GDE1: variants seen among roughly 807,000 people sequenced by gnomAD.
GDE1 encodes the protein RGS16-interacting membrane protein.
Under a neutral mutation model 32.2 loss-of-function variants are expected in GDE1, and 24 were observed. The observed-to-expected ratio is 0.75, with a 90% CI of 0.54 to 1.05. The LOEUF (loss-of-function observed/expected upper bound fraction) is 1.05, where lower values mean the gene tolerates loss of function less well. Ranked by LOEUF, GDE1 falls within the 50% of genes least tolerant of loss-of-function variation. The probability of loss-of-function intolerance (pLI) is 0.00; values close to 1 mark genes in which losing one functional copy is unlikely to be tolerated. For synonymous variants in GDE1, 159 were observed against 158.6 expected (o/e 1.00, Z -0.02); for missense variants, 380 against 415.0 (o/e 0.92, Z 0.73).
At chr16:19,515,699 C>T (rs950793458) in intron 2 of GDE1, among the ~76,000 whole-genome samples, 1 of 152,172 alleles carries the variant, frequency 6.6e-6, no homozygotes, top group Non-Finnish European at 1.5e-5. Context: ...TTCCTGCCTA[C>T]AGTATGACTT....
intron 1 of GDE1, among the ~76,000 whole-genome samples, chr16:19,517,931 A>G (rs1420969712): frequency 1.3e-5 from 2 of 148,304 alleles, no homozygotes; most frequent in Non-Finnish European, 3.0e-5. Flanking sequence ...TCTGTTGTTC[A>G]GGCTAGAGTG....
At position 19,521,866 on chromosome 16, in the gene GDE1, GAGGC is replaced by G; in HGVS notation, c.95_98del (p.Cys32SerfsTer78). On this transcript the variant is annotated frameshift_variant, in exon 1 of 6. Coordinates refer to ENST00000353258, the MANE Select transcript of GDE1 (RefSeq NM_016641.4). LOFTEE classifies it high-confidence loss of function. ...GTAGAACGAAGAGGCTGCCGGTGAG[GAGGC>G]AGGCATTGACCGGGCTCCGCGTCAC... 1 of 1,606,982 alleles carries G rather than the reference GAGGC, an allele frequency of 6.2e-7. No individual in the cohort carries two copies.
chr16:19,515,224 C>G (rs1217075323), intron 2 of GDE1, among the ~76,000 whole-genome samples: 3 of 152,194 alleles, frequency 2.0e-5, no homozygotes, highest in African/African-American at 4.8e-5. Flanking sequence ...CCTCTCAGGA[C>G]AAGCATCTCA....
intron 2 of GDE1, among the ~76,000 whole-genome samples, chr16:19,513,353 A>AT (rs35956673): frequency 0.22 from 32,636 of 146,966 alleles, 4,822 homozygotes; most frequent in African/African-American, 0.4. Flanking sequence ...GTATTTTGTT[A>AT]TTTTTTTTTT....
chr16:19,511,213 C>T (rs948874066), intron 2 of GDE1, among the ~76,000 whole-genome samples: 1 of 151,942 alleles, frequency 6.6e-6, no homozygotes, highest in Admixed American at 6.6e-5. Flanking sequence ...AGCAATTCTC[C>T]CGCCCCAGCC....
chr16:19,511,461 T>C (rs1199962412), intron 2 of GDE1, among the ~76,000 whole-genome samples: 3 of 152,204 alleles, frequency 2.0e-5, no homozygotes, highest in African/African-American at 4.8e-5. Context: ...TTTATTGCTA[T>C]ACACTTAGAC....
Position 19,502,460 on chromosome 16 carries a change from T to A in GDE1, c.*1010A>T, listed in dbSNP as rs1049444049. On this transcript the variant is annotated 3_prime_UTR_variant, in exon 6 of 6. Transcript: ENST00000353258. ...TGTAGTGCCGTGGTGTAATCATGGCTCATTGCAGCCTTGAACTTCTGGGCT... is the reference window on the plus strand; with the variant it reads ...TGTAGTGCCGTGGTGTAATCATGGCACATTGCAGCCTTGAACTTCTGGGCT... 6.9e-6 allele frequency: 1 copy of A among 145,972 alleles called. No homozygotes were observed. Among genetic ancestry groups the A allele is most frequent in the African/African-American group, 2.5e-5 (1 of 39,632 alleles). The allele number at this position is 145,972 out of a possible 1,614,324, so 9.0% of individuals were successfully genotyped here. A position where few individuals can be genotyped will look rare whatever the true frequency, so the allele number is the denominator to read the frequency against.
intron 1 of GDE1, among the ~76,000 whole-genome samples, chr16:19,517,568 C>A (rs185534855): frequency 2.0e-5 from 3 of 152,038 alleles, no homozygotes; most frequent in African/African-American, 7.3e-5. Context: ...TGATGATCAC[C>A]CTACGGTTGT....
Position 19,517,174 on chromosome 16 carries a change from C to T in GDE1, c.277G>A (p.Ala93Thr). 8 of 1,613,396 alleles carry T rather than the reference C, an allele frequency of 5.0e-6. No homozygotes were observed. The highest frequency in any genetic ancestry group is 6.8e-6 in the Non-Finnish European group (8 of 1,179,382). ...AAIRQAAKNGATGVELDIEFT... is the reference protein window; with the variant it reads ...AAIRQAAKNGTTGVELDIEFT... ...TCAATGTCCAACTCCACGCCTGTTG[C>T]TCCATTCTTAGCTGCCTTAACAAAA... Residue 93 changes from alanine (A) to threonine (T), a missense_variant, in exon 2 of 6, where the codon GCA (alanine) becomes ACA (threonine). Ala to Thr is a moderately conservative substitution (Grantham distance 58, BLOSUM62 0). Coordinates refer to ENST00000353258, the MANE Select transcript of GDE1 (RefSeq NM_016641.4).
chr16:19,515,066 C>CAAAAAAA (rs67148636), intron 2 of GDE1, among the ~76,000 whole-genome samples: 11 of 113,222 alleles, frequency 9.7e-5, no homozygotes, highest in African/African-American at 1.8e-4. Context: ...AACTCCAACT[C>CAAAAAAA]AAAAAAAAAA....
Position 19,506,905 on chromosome 16 carries a change from G to A in GDE1, c.636+782C>T, listed in dbSNP as rs576337966. On this transcript the variant is annotated intron_variant, in intron 4 of 5. Coordinates refer to ENST00000353258, the MANE Select transcript of GDE1 (RefSeq NM_016641.4). ...TCCCAGCACTTTGAGAGGCTGAGGT[G>A]GAAGGATTGCTTGAGCTTAGGAGTT... Among the ~76,000 whole-genome samples, 5 of 152,200 alleles carry A rather than the reference G, an allele frequency of 3.3e-5. No homozygotes were observed. The East Asian group carries it at 9.7e-4, about 29-fold the overall frequency.
rs1969199734 is a variant in GDE1 at position 19,503,144 on chromosome 16, ACATCTG to A, written c.*320_*325del. On this transcript the variant is annotated 3_prime_UTR_variant, in exon 6 of 6. Transcript: ENST00000353258. ...GTTATCATGCATGTCCCATGCATTT[ACATCTG>A]CATCTGCAAACTGTACAATTCAATC... is the stretch of plus-strand genomic sequence containing the variant. 6.9e-6 allele frequency: 2 copies of A among 288,836 alleles called. No individual in the cohort carries two copies. Among genetic ancestry groups the A allele is most frequent in the Non-Finnish European group, 6.6e-6 (1 of 152,450 alleles). 17.9% of individuals were successfully genotyped at this position (288,836 alleles called of 1,614,324 possible). A position where few individuals can be genotyped will look rare whatever the true frequency, so the allele number is the denominator to read the frequency against.
In GDE1 at chr16:19,510,622, G is replaced by A. The variant is rs370382362; in HGVS notation, c.543+217C>T. The stretch of plus-strand genomic sequence containing the variant: ...AACTTGACTCTTCCATTTTATGCTG[G>A]TTTTGTAAAGTTTCCATAAAAGGTT... On this transcript the variant is annotated intron_variant, in intron 3 of 5. Transcript: ENST00000353258. Among the ~76,000 whole-genome samples, 6 of 151,984 alleles carry A rather than the reference G, an allele frequency of 3.9e-5. No homozygotes were observed. The East Asian group carries it at 1.2e-3, about 29-fold the overall frequency.
At chr16:19,507,622 C>T (rs759185077) in intron 4 of GDE1, 65 bp downstream of exon 4, 8 of 822,012 alleles carry the variant, frequency 9.7e-6, no homozygotes, top group African/African-American at 1.7e-5. Context: ...CCTGTGCTTA[C>T]GCAGCCCATT....
intron 4 of GDE1, among the ~76,000 whole-genome samples, chr16:19,506,447 C>G (rs1280928712): frequency 6.6e-6 from 1 of 151,996 alleles, no homozygotes; most frequent in Non-Finnish European, 1.5e-5. Flanking sequence ...GTCAGGAGCT[C>G]GAGACCAGCC....
rs759621860 is a variant in GDE1, at chr16:19,503,503, G to A, written c.963C>T (p.Asp321=). 1 of 1,613,848 alleles carries A rather than the reference G, an allele frequency of 6.2e-7. No homozygotes were observed. Among genetic ancestry groups the A allele is most frequent in the Admixed American group, 1.7e-5 (1 of 60,002 alleles). ...GAGGTTCGCAGTCTTCTACCATGCT[G>A]TCAGTGATATAGCTGGAACCAAGAT... is the stretch of plus-strand genomic sequence containing the variant. ...ESHLGSSYIT[D]SMVEDCEPHF The change falls in exon 6 of 6, where the codon GAC becomes GAT. Residue 321 remains aspartate (D), a synonymous_variant. Transcript: ENST00000353258.
Position 19,521,750 on chromosome 16 carries a change from C to A in GDE1, c.215G>T (p.Gly72Val). 6.2e-7 allele frequency: 1 copy of A among 1,611,930 alleles called. No individual in the cohort carries two copies. The highest frequency in any genetic ancestry group is 8.5e-7 in the Non-Finnish European group (1 of 1,179,610). ...GTTCTCGGGCGCGTCGTGGCTGCCG[C>A]CACGGTGGGCGATGGCAGAAATGCG... Reference protein sequence around the residue: ...RDRISAIAHRGGSHDAPENTL... With the variant: ...RDRISAIAHRVGSHDAPENTL... Residue 72 changes from glycine to valine, a missense_variant, in exon 1 of 6, where the codon GGC becomes GTC. Physicochemically the swap from Gly to Val is moderately radical, Grantham distance 109. Coordinates refer to ENST00000353258, the MANE Select transcript of GDE1 (RefSeq NM_016641.4).
At chr16:19,519,469 TATATAC>T (rs1333609619) in intron 1 of GDE1, among the ~76,000 whole-genome samples, 1 of 145,844 alleles carries the variant, frequency 6.9e-6, no homozygotes, top group African/African-American at 2.6e-5. Context: ...TATATATATA[TATATAC>T]ATACACAATA....
At chr16:19,517,889 C>CTT (rs564282570) in intron 1 of GDE1, among the ~76,000 whole-genome samples, 12 of 141,116 alleles carry the variant, frequency 8.5e-5, no homozygotes, top group Admixed American at 7.1e-5. Context: ...AGATTTCTTT[C>CTT]TTTTTTTTTT....
Sources: allele counts gnomAD v4.1 joint callset (sites outside exome capture counted in the v4.1 genomes callset), GRCh38; gene constraint gnomAD v4.1.1; transcripts MANE v1.5; gene names NCBI Gene and HGNC (gene_info 2026-07-23, HGNC 2026-07-21).